Variants in SLC5A4 observed in about 807,000 individuals in gnomAD.
SLC5A4 encodes solute carrier family 5 member 4, also known as probable glucose sensor protein SLC5A4.
In SLC5A4, 55 loss-of-function variants were observed where a neutral mutation model predicts 70.3. The ratio of observed to expected loss-of-function variants is 0.78; its 90% CI spans 0.63 to 0.98. SLC5A4 has a LOEUF of 0.98. SLC5A4 is among the 50% of genes least tolerant of loss of function. The pLI is 0.00. For synonymous variants in SLC5A4, 268 were observed against 305.7 expected, an observed-to-expected ratio of 0.88 and a Z score of 1.29; for missense variants, 735 against 839.2, an observed-to-expected ratio of 0.88 and a Z score of 1.53.
chr22:32,309,796 T>C, the SLC5A4 span, among the ~76,000 whole-genome samples: 4 of 152,028 alleles, frequency 2.6e-5, no homozygotes, highest in East Asian at 1.9e-4. Context: ...GCAGAGGCTC[T>C]GAGAGGTTAA....
At chr22:32,343,354 C>T in the SLC5A4 span, among the ~76,000 whole-genome samples, 1 of 152,196 alleles carries the variant, frequency 6.6e-6, no homozygotes, top group Non-Finnish European at 1.5e-5. Context: ...TATCTCCTTG[C>T]CTTTTTCCTC....
intron 12 of SLC5A4, among the ~76,000 whole-genome samples, chr22:32,225,122 A>C (rs993353909): frequency 1.3e-4 from 20 of 152,364 alleles, no homozygotes; most frequent in Admixed American, 1.2e-3. Context: ...CATAATAGTA[A>C]GGCTAGTACT....
chr22:32,285,838 G>A, the SLC5A4 span, among the ~76,000 whole-genome samples: 8 of 152,062 alleles, frequency 5.3e-5, 1 homozygote, highest in East Asian at 1.2e-3. Context: ...CCGGGTTCAC[G>A]CCATTCTCCT....
chr22:32,306,466 A>C, the SLC5A4 span, among the ~76,000 whole-genome samples: 3 of 29,330 alleles, frequency 1.0e-4, no homozygotes, highest in African/African-American at 1.4e-3. Flanking sequence ...ACTCGGTCTC[A>C]AAAAAAAAAA....
At chr22:32,302,309 T>G in the SLC5A4 span, among the ~76,000 whole-genome samples, 1 of 152,068 alleles carries the variant, frequency 6.6e-6, no homozygotes, top group Non-Finnish European at 1.5e-5. Context: ...TGAAATTTTT[T>G]TTTTACAGTC....
At chr22:32,278,486 A>G in the SLC5A4 span, among the ~76,000 whole-genome samples, 1 of 152,240 alleles carries the variant, frequency 6.6e-6, no homozygotes, top group African/African-American at 2.4e-5. Context: ...AAAATGCTTC[A>G]GGATTCACCC....
chr22:32,226,821 C>T (rs950469896), intron 11 of SLC5A4, among the ~76,000 whole-genome samples: 28 of 152,254 alleles, frequency 1.8e-4, no homozygotes, highest in Non-Finnish European at 2.9e-4. Context: ...ACCTTTCTGA[C>T]CTTGCTCTTC....
the SLC5A4 span, among the ~76,000 whole-genome samples, chr22:32,325,389 G>A: frequency 4.0e-5 from 6 of 149,390 alleles, no homozygotes; most frequent in South Asian, 9.0e-4. Context: ...AAAAGTGATC[G>A]GGAGCAGCCA....
the SLC5A4 span, among the ~76,000 whole-genome samples, chr22:32,267,116 G>A: frequency 4.6e-5 from 7 of 152,174 alleles, no homozygotes; most frequent in East Asian, 1.9e-4. Flanking sequence ...TCTTACCAAC[G>A]CCCACAATAT....
chr22:32,229,081 TC>T, intron 11 of SLC5A4, 112 bp downstream of exon 11: 1 of 978,086 alleles, frequency 1.0e-6, no homozygotes. Flanking sequence ...GTCTCTTCCC[TC>T]TACCCAGATG....
intron 13 of SLC5A4, among the ~76,000 whole-genome samples, chr22:32,223,916 G>C (rs1381381671): frequency 2.6e-5 from 4 of 152,066 alleles, no homozygotes; most frequent in Admixed American, 6.6e-5. Flanking sequence ...TACAATAAAA[G>C]GCAAGGAACT....
the SLC5A4 span, among the ~76,000 whole-genome samples, chr22:32,354,013 C>T: frequency 2.0e-5 from 3 of 151,336 alleles, no homozygotes; most frequent in Non-Finnish European, 4.4e-5. Context: ...AACCCACCCC[C>T]TGCGCGGGCA....
At chr22:32,295,178 C>T in the SLC5A4 span, among the ~76,000 whole-genome samples, 19 of 105,698 alleles carry the variant, frequency 1.8e-4, no homozygotes, top group East Asian at 7.5e-4. Context: ...GGGTATATAC[C>T]CAGTAATGGG....
the SLC5A4 span, among the ~76,000 whole-genome samples, chr22:32,351,744 A>AGGGTGGGG: frequency 1.3e-3 from 2 of 1,536 alleles, no homozygotes; most frequent in Non-Finnish European, 2.2e-3. Flanking sequence ...CGGTGGGGGG[A>AGGGTGGGG]GGGCGGGGGG....
At chr22:32,304,933 T>G in the SLC5A4 span, among the ~76,000 whole-genome samples, 17,124 of 152,174 alleles carry the variant, frequency 0.11, 1,358 homozygotes, top group East Asian at 0.33. Context: ...GATTCGTATT[T>G]TTCCACGTGA....
upstream of SLC5A4, among the ~76,000 whole-genome samples, chr22:32,260,115 G>A (rs1927688784): frequency 6.6e-6 from 1 of 152,222 alleles, no homozygotes; most frequent in Non-Finnish European, 1.5e-5. Context: ...GGGGATGAGG[G>A]TGGGAGAGGG....
At chr22:32,231,188 A>C in intron 9 of SLC5A4, 113 bp from the exon 10 acceptor site, 1 of 700,500 alleles carries the variant, frequency 1.4e-6, no homozygotes, top group South Asian at 1.6e-5. Flanking sequence ...TTTGCCTGGA[A>C]ACTGGAGATT....
the SLC5A4 span, among the ~76,000 whole-genome samples, chr22:32,305,629 C>G: frequency 1.1e-4 from 16 of 144,096 alleles, no homozygotes; most frequent in East Asian, 3.0e-3. Context: ...TGTCCCTTCT[C>G]CTGCTGGCGG....
At chr22:32,275,435 T>A in the SLC5A4 span, among the ~76,000 whole-genome samples, 2 of 152,192 alleles carry the variant, frequency 1.3e-5, no homozygotes, top group Non-Finnish European at 2.9e-5. Flanking sequence ...TTCTCATTGT[T>A]TAATTCCCAC....
Sources: allele counts gnomAD v4.1 joint callset (sites outside exome capture counted in the v4.1 genomes callset), GRCh38; gene constraint gnomAD v4.1.1; transcripts MANE v1.5; gene names NCBI Gene and HGNC (gene_info 2026-07-23, HGNC 2026-07-21).